TWSG1: variants seen among roughly 807,000 people sequenced by gnomAD.
The protein encoded by TWSG1 is twisted gastrulation BMP signaling modulator 1, also known as twisted gastrulation protein homolog 1.
Under a neutral mutation model 23.0 loss-of-function variants are expected in TWSG1, and 15 were observed. The ratio of observed to expected loss-of-function variants is 0.65; its 90% CI spans 0.44 to 1.00. The LOEUF (loss-of-function observed/expected upper bound fraction) is 1.00. Ranked by LOEUF, TWSG1 falls within the 50% of genes least tolerant of loss-of-function variation. The pLI is 0.00. For missense variants in TWSG1, 242 were observed against 278.7 expected, an observed-to-expected ratio of 0.87 and a Z score of 0.94; for synonymous variants, 86 against 92.8, an observed-to-expected ratio of 0.93 and a Z score of 0.42.
rs1355861434 is a variant in TWSG1, at chr18:9,399,626, G to A, written c.*99G>A. ...GTATCTTGTATCAGAATCCCAGTAA[G>A]TTAAGTTGTAAAGACTTTGGAATAA... On this transcript the variant is annotated 3_prime_UTR_variant, in exon 5 of 5. Coordinates refer to ENST00000262120, the MANE Select transcript of TWSG1 (RefSeq NM_020648.6). The A allele has an allele frequency of 2.7e-6, 3 of 1,094,840 alleles. No homozygotes were observed. Among genetic ancestry groups the A allele is most frequent in the South Asian group, 1.7e-5 (1 of 57,868 alleles). 67.8% of individuals were successfully genotyped at this position (1,094,840 alleles called of 1,614,324 possible).
intron 3 of TWSG1, among the ~76,000 whole-genome samples, chr18:9,382,477 C>T (rs1239697335): frequency 1.3e-5 from 2 of 151,944 alleles, no homozygotes; most frequent in African/African-American, 4.8e-5. Context: ...GAACCGATAT[C>T]GGGCCACTGC....
At chr18:9,351,063 A>C (rs1025954111) in intron 2 of TWSG1, among the ~76,000 whole-genome samples, 1 of 152,084 alleles carries the variant, frequency 6.6e-6, no homozygotes, top group African/African-American at 2.4e-5. Flanking sequence ...ATTTATTCCT[A>C]CATTTCTGTT....
At chr18:9,392,644 G>A (rs540089470) in intron 3 of TWSG1, among the ~76,000 whole-genome samples, 2 of 152,270 alleles carry the variant, frequency 1.3e-5, no homozygotes, top group African/African-American at 2.4e-5. Context: ...TGGCACAAGT[G>A]GCCTAGCTTT....
rs2040760718 is a variant in TWSG1 at position 9,401,160 on chromosome 18, G to A, written c.*1633G>A. ...TTTAAAAAGTTGAGATTTAGCTCAT[G>A]GATATATTTTTTGGTAGGGAAACAT... On this transcript the variant is annotated 3_prime_UTR_variant, in exon 5 of 5. Transcript: ENST00000262120. The A allele has an allele frequency of 6.6e-6, 1 of 152,130 alleles. No homozygotes were observed. The highest frequency in any genetic ancestry group is 2.1e-4 in the South Asian group (1 of 4,828). The allele number at this position is 152,130 out of a possible 1,614,324, so 9.4% of individuals were successfully genotyped here.
At chr18:9,350,201 C>A (rs2040496106) in intron 2 of TWSG1, among the ~76,000 whole-genome samples, 1 of 152,000 alleles carries the variant, frequency 6.6e-6, no homozygotes, top group South Asian at 2.1e-4. Flanking sequence ...GTTAACACCC[C>A]ATGAAAATCT....
At chr18:9,344,533 T>TTTTG (rs1455004454) in intron 2 of TWSG1, among the ~76,000 whole-genome samples, 2 of 40,360 alleles carry the variant, frequency 5.0e-5, no homozygotes, top group East Asian at 2.3e-3. Context: ...ATGTATGTAT[T>TTTTG]TTTTTTTTTT....
In TWSG1 at chr18:9,340,367, CAAAAAA is replaced by C. The variant is rs775837207; in HGVS notation, c.123+3033_123+3038del. ...TGGGCGACAGAGCAAGACTCCATTT[CAAAAAA>C]AAAAAAAAAAAAAAAAAGAAAAGAT... On this transcript the variant is annotated intron_variant, in intron 2 of 4. Transcript: ENST00000262120. Among the ~76,000 whole-genome samples the C allele has an allele frequency of 6.0e-4, 40 of 67,100 alleles. 1 individual carries two copies. Among genetic ancestry groups the C allele is most frequent in the Admixed American group, 1.4e-3 (7 of 5,076 alleles). The allele number at this position is 67,100 out of a possible 152,430, so 44.0% of individuals were successfully genotyped here. A position where few individuals can be genotyped will look rare whatever the true frequency, so the allele number is the denominator to read the frequency against.
At chr18:9,349,443 T>G (rs6506654) in intron 2 of TWSG1, among the ~76,000 whole-genome samples, 101,261 of 152,000 alleles carry the variant, frequency 0.67, 34,204 homozygotes, top group Middle Eastern at 0.75. Flanking sequence ...TTTATTTAGC[T>G]CTTTTATGTG....
At position 9,399,423 on chromosome 18, in the gene TWSG1, G is replaced by A. The variant is rs2040752981; in HGVS notation, c.568G>A (p.Ala190Thr). Reference sequence around the variant, plus strand: ...TAAAATATCCTGTGAGTCCATGGGAGCATCCAAATATCGCTGGTTTCATAA... The same window carrying A: ...TAAAATATCCTGTGAGTCCATGGGAACATCCAAATATCGCTGGTTTCATAA... ...QCKISCESMG[A>T]SKYRWFHNAC... Residue 190 changes from alanine (A) to threonine (T), a missense_variant, in exon 5 of 5, where the codon GCA (alanine) becomes ACA (threonine). By Grantham distance (58) the Ala-to-Thr change is moderately conservative. Coordinates refer to ENST00000262120, the MANE Select transcript of TWSG1 (RefSeq NM_020648.6). The A allele has an allele frequency of 1.9e-6, 3 of 1,613,820 alleles. No individual in the cohort carries two copies. The highest frequency in any genetic ancestry group is 2.5e-6 in the Non-Finnish European group (3 of 1,179,872).
chr18:9,377,149 A>T (rs565348011), intron 3 of TWSG1, among the ~76,000 whole-genome samples: 3 of 152,134 alleles, frequency 2.0e-5, no homozygotes, highest in Non-Finnish European at 2.9e-5. Flanking sequence ...GGATGACTGT[A>T]GTCAAATGAT....
intron 3 of TWSG1, among the ~76,000 whole-genome samples, chr18:9,367,268 A>G (rs897944106): frequency 3.9e-5 from 6 of 152,112 alleles, no homozygotes; most frequent in Admixed American, 2.0e-4. Flanking sequence ...GTTATTAGCT[A>G]TAGTCACCAT....
chr18:9,345,203 T>C (rs1192748661), intron 2 of TWSG1, among the ~76,000 whole-genome samples: 1 of 152,264 alleles, frequency 6.6e-6, no homozygotes, highest in Non-Finnish European at 1.5e-5. Flanking sequence ...TTTCAACTAC[T>C]ATGTATCATT....
intron 3 of TWSG1, among the ~76,000 whole-genome samples, chr18:9,362,674 C>T (rs923880153): frequency 6.6e-6 from 1 of 152,098 alleles, no homozygotes; most frequent in African/African-American, 2.4e-5. Flanking sequence ...ACCATCACAC[C>T]ATGATGACAG....
chr18:9,398,518 C>T lies in TWSG1; in HGVS notation c.491-828C>T, dbSNP rs370612930. Among the ~76,000 whole-genome samples, 222 of 152,108 alleles carry T rather than the reference C, an allele frequency of 1.5e-3. 2 individuals carry two copies. The highest frequency in any genetic ancestry group is 5.1e-3 in the African/African-American group (213 of 41,504). ...TGTTGCCCAGGCTGGAGTGCAATGG[C>T]GCAATCTCGGCTCACTGCAACCTCT... On this transcript the variant is annotated intron_variant, in intron 4 of 4. Transcript: ENST00000262120.
intron 3 of TWSG1, among the ~76,000 whole-genome samples, chr18:9,367,147 G>A (rs932458232): frequency 1.3e-5 from 2 of 152,026 alleles, no homozygotes; most frequent in African/African-American, 4.8e-5. Context: ...ATCCAGACTG[G>A]TCTTGAATTC....
In TWSG1 at chr18:9,399,484, A is replaced by C; in HGVS notation, c.629A>C (p.Asp210Ala). The change falls in exon 5 of 5, where the codon GAC (aspartate) becomes GCC (alanine). Residue 210 changes from aspartate to alanine, a missense_variant. Coordinates refer to ENST00000262120, the MANE Select transcript of TWSG1 (RefSeq NM_020648.6). ...CCECIGPECI[D>A]YGSKTVKCMN... The stretch of plus-strand genomic sequence containing the variant: ...GAGTGCATTGGTCCAGAATGTATTG[A>C]CTATGGTAGTAAAACTGTCAAATGT... 1.2e-6 allele frequency: 2 copies of C among 1,611,836 alleles called. No homozygotes were observed. Among genetic ancestry groups the C allele is most frequent in the Non-Finnish European group, 1.7e-6 (2 of 1,179,500 alleles).
At chr18:9,385,766 C>T (rs1232509754) in intron 3 of TWSG1, among the ~76,000 whole-genome samples, 3 of 149,398 alleles carry the variant, frequency 2.0e-5, no homozygotes, top group African/African-American at 7.3e-5. Context: ...ATATTTAGGA[C>T]ATAAAAGAAA....
At chr18:9,336,641 A>C (rs2040424872) in intron 1 of TWSG1, among the ~76,000 whole-genome samples, 1 of 152,160 alleles carries the variant, frequency 6.6e-6, no homozygotes, top group African/African-American at 2.4e-5. Context: ...TAATAGTTTT[A>C]TATGGGCTTA....
At chr18:9,379,407 A>C (rs2040646041) in intron 3 of TWSG1, among the ~76,000 whole-genome samples, 1 of 152,138 alleles carries the variant, frequency 6.6e-6, no homozygotes, top group Non-Finnish European at 1.5e-5. Flanking sequence ...ACCCTTAGCA[A>C]ACTATCGCAG....
Sources: allele counts gnomAD v4.1 joint callset (sites outside exome capture counted in the v4.1 genomes callset), GRCh38; gene constraint gnomAD v4.1.1; transcripts MANE v1.5; gene names NCBI Gene and HGNC (gene_info 2026-07-23, HGNC 2026-07-21).